Variants in MYO10 observed in about 807,000 individuals in gnomAD.
The protein encoded by MYO10 is unconventional myosin-X.
In MYO10, 133 loss-of-function variants were observed where a neutral mutation model predicts 257.3. That is an observed-to-expected ratio of 0.52 (90% CI 0.45 to 0.60). The LOEUF (loss-of-function observed/expected upper bound fraction) is 0.60. MYO10 is among the 20% of genes least tolerant of loss of function. The probability of loss-of-function intolerance (pLI) is 0.00; values close to 1 mark genes in which losing one functional copy is unlikely to be tolerated. For synonymous variants in MYO10, 1,104 were observed against 1,028.6 expected, an observed-to-expected ratio of 1.07 and a Z score of -1.40; for missense variants, 2,399 against 2,635.7, an observed-to-expected ratio of 0.91 and a Z score of 1.97.
At position 16,685,732 on chromosome 5, in the gene MYO10, C is replaced by T. The variant is rs1234123476; in HGVS notation, c.3990+6G>A. On this transcript the variant is annotated splice_donor_region_variant and intron_variant, in intron 29 of 40. Transcript: ENST00000513610. Reference sequence around the variant, plus strand: ...CCCACCCCCATCCCACACAGTGCTCCCGTACCACAGCATTCTGTGGGTTTG... The same window carrying T: ...CCCACCCCCATCCCACACAGTGCTCTCGTACCACAGCATTCTGTGGGTTTG... The T allele has an allele frequency of 6.3e-7, 1 of 1,591,224 alleles. No individual in the cohort carries two copies. Among genetic ancestry groups the T allele is most frequent in the African/African-American group, 1.3e-5 (1 of 74,462 alleles).
At position 16,686,604 on chromosome 5, in the gene MYO10, G is replaced by A. The variant is rs147741759; in HGVS notation, c.3897-773C>T. ...AGCTGGAGTACAATGGCACAATCTCGGCTCACTGCAACCTCCGCCTCCCGG... is the reference window on the plus strand; with the variant it reads ...AGCTGGAGTACAATGGCACAATCTCAGCTCACTGCAACCTCCGCCTCCCGG... On this transcript the variant is annotated intron_variant, in intron 28 of 40. Coordinates refer to ENST00000513610, the MANE Select transcript of MYO10 (RefSeq NM_012334.3). Among the ~76,000 whole-genome samples the A allele has an allele frequency of 7.4e-3, 1,121 of 151,780 alleles. 5 individuals are homozygous for A. Among genetic ancestry groups the A allele is most frequent in the South Asian group, 0.01 (48 of 4,796 alleles).
chr5:16,736,394 A>G (rs564422804), intron 19 of MYO10, among the ~76,000 whole-genome samples: 13 of 152,320 alleles, frequency 8.5e-5, no homozygotes, highest in Non-Finnish European at 1.8e-4. Flanking sequence ...CCATCTGCTG[A>G]TGCAACAGCG....
intron 1 of MYO10, among the ~76,000 whole-genome samples, chr5:16,905,570 A>T (rs1025401652): frequency 1.3e-5 from 2 of 152,176 alleles, no homozygotes; most frequent in African/African-American, 4.8e-5. Context: ...CAATGAGTCC[A>T]TCTCAGACCT....
intron 2 of MYO10, among the ~76,000 whole-genome samples, chr5:16,829,344 A>G (rs57258658): frequency 0.12 from 17,766 of 152,190 alleles, 2,030 homozygotes; most frequent in African/African-American, 0.3. Context: ...CAACACTAAC[A>G]TCAAACACAG....
At chr5:16,912,802 G>GCGCACACACA (rs374077433) in intron 1 of MYO10, among the ~76,000 whole-genome samples, 4 of 111,646 alleles carry the variant, frequency 3.6e-5, no homozygotes, top group African/African-American at 7.1e-5. Flanking sequence ...CTACCACCCT[G>GCGCACACACA]CACACACACA....
At chr5:16,732,694 G>A (rs1739633319) in intron 19 of MYO10, among the ~76,000 whole-genome samples, 1 of 152,138 alleles carries the variant, frequency 6.6e-6, no homozygotes, top group African/African-American at 2.4e-5. Context: ...TGAGGACTGA[G>A]CAAGAAAAAG....
At chr5:16,762,343 G>T (rs1394548476) in intron 15 of MYO10, among the ~76,000 whole-genome samples, 1 of 152,066 alleles carries the variant, frequency 6.6e-6, no homozygotes, top group Non-Finnish European at 1.5e-5. Flanking sequence ...AAATAAGCTT[G>T]GGCATTCTAA....
chr5:16,777,127 A>G (rs1173713504), intron 9 of MYO10, among the ~76,000 whole-genome samples: 2 of 152,216 alleles, frequency 1.3e-5, no homozygotes, highest in Non-Finnish European at 2.9e-5. Context: ...TAAAATTGGA[A>G]AAGATAATTA....
intron 26 of MYO10, among the ~76,000 whole-genome samples, 189 bp from the exon 27 acceptor site, chr5:16,694,803 C>A (rs1367443130): frequency 6.6e-6 from 1 of 152,184 alleles, no homozygotes; most frequent in Non-Finnish European, 1.5e-5. Context: ...AGATGTCACA[C>A]CAGCCAGGCT....
At chr5:16,911,086 T>C (rs1352834417) in intron 1 of MYO10, among the ~76,000 whole-genome samples, 1 of 152,176 alleles carries the variant, frequency 6.6e-6, no homozygotes, top group African/African-American at 2.4e-5. Context: ...GAGGATCACT[T>C]GAGGCCAGGA....
At chr5:16,765,792 C>G (rs977755489) in intron 11 of MYO10, among the ~76,000 whole-genome samples, 6 of 152,126 alleles carry the variant, frequency 3.9e-5, no homozygotes. Flanking sequence ...CAAGAGCAGA[C>G]AGTAGTAAGT....
chr5:16,874,350 G>GT (rs1355896911), intron 2 of MYO10, among the ~76,000 whole-genome samples: 1 of 110,280 alleles, frequency 9.1e-6, no homozygotes, highest in Non-Finnish European at 1.9e-5. Flanking sequence ...AAAGCGGGGG[G>GT]GGGGGGGGGT....
At chr5:16,878,789 C>G (rs1421145861) in intron 1 of MYO10, among the ~76,000 whole-genome samples, 1 of 151,994 alleles carries the variant, frequency 6.6e-6, no homozygotes, top group Admixed American at 6.6e-5. Context: ...TATGAGGATG[C>G]AAAGGCATAA....
At chr5:16,935,642 C>G in intron 1 of MYO10, 146 bp downstream of exon 1, 1 of 903,456 alleles carries the variant, frequency 1.1e-6, no homozygotes, top group East Asian at 2.6e-5. Flanking sequence ...AGAGACTCCG[C>G]GGGGGGATGG....
intron 18 of MYO10, among the ~76,000 whole-genome samples, chr5:16,756,307 C>T (rs1740526685): frequency 6.6e-6 from 1 of 152,184 alleles, no homozygotes; most frequent in South Asian, 2.1e-4. Context: ...CTCAAGCAAT[C>T]TTTCCACCTA....
At position 16,694,504 on chromosome 5, in the gene MYO10, C is replaced by G; in HGVS notation, c.3667G>C (p.Gly1223Arg). The G allele has an allele frequency of 1.2e-6, 2 of 1,614,010 alleles. No homozygotes were observed. Among genetic ancestry groups the G allele is most frequent in the Non-Finnish European group, 1.7e-6 (2 of 1,179,876 alleles). Reference sequence around the variant, plus strand: ...CTGGACAGCGTGGAGGAGCCCCCCCCTTTTTTGTGGAGCCAGCCTTGCTTG... The same window carrying G: ...CTGGACAGCGTGGAGGAGCCCCCCCGTTTTTTGTGGAGCCAGCCTTGCTTG... Reference protein sequence around the residue: ...ALKQGWLHKKGGGSSTLSRRN... With the variant: ...ALKQGWLHKKRGGSSTLSRRN... Residue 1223 changes from glycine to arginine, a missense_variant, in exon 27 of 41, where the codon GGG becomes CGG. Transcript: ENST00000513610.
intron 1 of MYO10, among the ~76,000 whole-genome samples, chr5:16,892,567 A>G (rs187243511): frequency 1.3e-5 from 2 of 152,254 alleles, no homozygotes; most frequent in Admixed American, 1.3e-4. Flanking sequence ...CTCCTGAACC[A>G]AGGAGGCGGA....
At chr5:16,762,728 C>G (rs1460788249) in intron 14 of MYO10, 91 bp from the exon 15 acceptor site, 2 of 895,058 alleles carry the variant, frequency 2.2e-6, no homozygotes, top group African/African-American at 1.7e-5. Context: ...CTTTGGGAAG[C>G]CAAGATGGGC....
intron 1 of MYO10, chr5:16,916,036 T>C (rs1376850552): frequency 4.4e-6 from 2 of 456,018 alleles, no homozygotes; most frequent in East Asian, 7.0e-5. Flanking sequence ...TGAGTAAATA[T>C]TCAAAGCATG....
Sources: gnomAD v4.1 joint callset for allele counts (sites outside exome capture counted in the v4.1 genomes callset) on GRCh38, gnomAD v4.1.1 for gene constraint, MANE v1.5 for transcripts, NCBI Gene and HGNC (gene_info 2026-07-23, HGNC 2026-07-21) for gene names.